DTYMK: variants seen among roughly 807,000 people sequenced by gnomAD.
The protein encoded by DTYMK is deoxythymidylate kinase.
DTYMK carries 20 observed loss-of-function variants against 20.3 expected under a neutral mutation model. The ratio of observed to expected loss-of-function variants is 0.99; its 90% confidence interval spans 0.69 to 1.43. The LOEUF (loss-of-function observed/expected upper bound fraction) is 1.43. Among genes scored for constraint, DTYMK ranks in the 40% most tolerant of loss-of-function variants. The pLI, the probability that DTYMK is intolerant of heterozygous loss-of-function variation, is 0.00. For missense variants in DTYMK, 320 were observed against 291.1 expected, an observed-to-expected ratio of 1.10 and a Z score of -0.72; for synonymous variants, 148 against 124.4, an observed-to-expected ratio of 1.19 and a Z score of -1.27.
In DTYMK at chr2:241,676,146, A is replaced by G; in HGVS notation, c.620T>C (p.Leu207Pro). 1 of 1,612,242 alleles carries G rather than the reference A, an allele frequency of 6.2e-7. No individual in the cohort carries two copies. The highest frequency in any genetic ancestry group is 1.1e-5 in the South Asian group (1 of 90,946). ...CTTGGGTCACTTCCATAGCTCCCCCAGCGGCTTCTCTGTGGCAGTGCGGAT... is the reference window on the plus strand; with the variant it reads ...CTTGGGTCACTTCCATAGCTCCCCCGGCGGCTTCTCTGTGGCAGTGCGGAT... Reference protein sequence around the residue: ...DAIRTATEKPLGELWK With the variant: ...DAIRTATEKPPGELWK Residue 207 changes from leucine (L) to proline (P), a missense_variant, in exon 5 of 5, where the codon CTG becomes CCG. Coordinates refer to ENST00000305784, the MANE Select transcript of DTYMK (RefSeq NM_012145.4).
In DTYMK at chr2:241,680,252, C is replaced by T. The variant is rs367572725; in HGVS notation, c.307G>A (p.Val103Met). The T allele has an allele frequency of 6.2e-7, 1 of 1,614,198 alleles. No homozygotes were observed. The highest frequency in any genetic ancestry group is 2.2e-5 in the East Asian group (1 of 44,880). ...LVVDRYAFSG[V>M]AFTGAKENFS... Reference sequence around the variant, plus strand: ...ACCTCCTTGGCACCGGTGAAGGCCACACCAGAAAATGCGTATCTGTCCACG... The same window carrying T: ...ACCTCCTTGGCACCGGTGAAGGCCATACCAGAAAATGCGTATCTGTCCACG... Residue 103 changes from valine (V) to methionine (M), a missense_variant, in exon 3 of 5, where the codon GTG becomes ATG. By Grantham distance (21) the Val-to-Met change is conservative. Transcript: ENST00000305784.
At chr2:241,682,434 A>G (rs2069279966) in intron 2 of DTYMK, 2 of 305,204 alleles carry the variant, frequency 6.6e-6, no homozygotes, top group African/African-American at 4.5e-5. Flanking sequence ...AAGGACTGTT[A>G]TCTAAAGCAT....
rs1258396070 is a variant in DTYMK at position 241,685,826 on chromosome 2, C to G, written c.182G>C (p.Ser61Thr). The change falls in exon 2 of 5, where the codon AGT (serine) becomes ACT (threonine). Residue 61 changes from serine to threonine, a missense_variant. Physicochemically the swap from Ser to Thr is moderately conservative, Grantham distance 58. Transcript: ENST00000305784. Reference sequence around the variant, plus strand: ...GTGCACCGAGTGATCCTCCACGTCACTTTTCTTTTGCAAGTAGGAACTCAG... The same window carrying G: ...GTGCACCGAGTGATCCTCCACGTCAGTTTTCTTTTGCAAGTAGGAACTCAG... The part of the protein sequence containing the change: ...KLLSSYLQKK[S>T]DVEDHSVHLL... 1 of 1,614,208 alleles carries G rather than the reference C, an allele frequency of 6.2e-7. No individual in the cohort carries two copies. The highest frequency in any genetic ancestry group is 1.7e-5 in the Admixed American group (1 of 60,020).
intron 4 of DTYMK, 152 bp from the exon 5 acceptor site, chr2:241,676,389 G>T: frequency 1.5e-6 from 1 of 651,124 alleles, no homozygotes; most frequent in Non-Finnish European, 2.6e-6. Flanking sequence ...GGGCTACACA[G>T]GGACACCCCG....
chr2:241,680,305 T>C lies in DTYMK; in HGVS notation c.254A>G (p.Glu85Gly), dbSNP rs1407978645. 6.2e-7 allele frequency: 1 copy of C among 1,614,132 alleles called. No homozygotes were observed. The highest frequency in any genetic ancestry group is 1.1e-5 in the South Asian group (1 of 91,082). Residue 85 changes from glutamate (E) to glycine (G), a missense_variant, in exon 3 of 5, where the codon GAA (glutamate) becomes GGA (glycine). By Grantham distance (98) the Glu-to-Gly change is moderately conservative (BLOSUM62 -2). Coordinates refer to ENST00000305784, the MANE Select transcript of DTYMK (RefSeq NM_012145.4). ...GAGGGTCACGCCCTGGCTCAACTTT[T>C]CCTTAATTAACGGCCTGAAAAAGAG... ...NRWEQVPLIK[E>G]KLSQGVTLVV...
At chr2:241,682,171 C>T (rs1472372386) in intron 2 of DTYMK, 6 of 441,682 alleles carry the variant, frequency 1.4e-5, no homozygotes, top group East Asian at 7.3e-5. Context: ...GAGACTCCAT[C>T]GCTACAAAAA....
intron 2 of DTYMK, chr2:241,685,500 G>A: frequency 3.6e-6 from 1 of 281,540 alleles, no homozygotes; most frequent in Non-Finnish European, 6.7e-6. Context: ...ACCTCTGCCT[G>A]GCGACAGAGC....
Position 241,675,992 on chromosome 2 carries a change from G to T in DTYMK, c.*135C>A. ...CCCCAGCTCCGGGGCAGAAGAGGCA[G>T]CCTGCAGATCTCTGCTGCCGGGAAA... On this transcript the variant is annotated 3_prime_UTR_variant, in exon 5 of 5. Coordinates refer to ENST00000305784, the MANE Select transcript of DTYMK (RefSeq NM_012145.4). 1.2e-6 allele frequency: 1 copy of T among 857,808 alleles called. No individual in the cohort carries two copies. The highest frequency in any genetic ancestry group is 1.7e-6 in the Non-Finnish European group (1 of 584,290). The allele number at this position is 857,808 out of a possible 1,614,324, so 53.1% of individuals were successfully genotyped here.
chr2:241,676,650 C>T (rs1015043140), intron 4 of DTYMK, among the ~76,000 whole-genome samples: 1 of 152,250 alleles, frequency 6.6e-6, no homozygotes, highest in Non-Finnish European at 1.5e-5. Context: ...AGCCCTGATG[C>T]AGGAGAAACA....
rs757118618 is a variant in DTYMK at position 241,678,567 on chromosome 2, G to T, written c.413C>A (p.Ala138Glu). 5.6e-6 allele frequency: 9 copies of T among 1,614,076 alleles called. No homozygotes were observed. The Admixed American group carries it at 6.7e-5, about 12-fold the overall frequency. The change falls in exon 4 of 5, where the codon GCG (alanine) becomes GAG (glutamate). Residue 138 changes from alanine to glutamate, a missense_variant. Ala to Glu is a moderately radical substitution (Grantham distance 107). Transcript: ENST00000305784. ...DLVLFLQLQLADAAKRGAFGH... is the reference protein window; with the variant it reads ...DLVLFLQLQLEDAAKRGAFGH... ...AAACGCTCCCCGCTTGGCAGCATCC[G>T]CCAGCTGTAACTGGAGGAACAGGAC...
chr2:241,685,971 G>T, intron 1 of DTYMK, 94 bp from the exon 2 acceptor site: 1 of 1,270,732 alleles, frequency 7.9e-7, no homozygotes, highest in Non-Finnish European at 1.1e-6. Flanking sequence ...CCGGACTCAA[G>T]TCTCACGTTG....
chr2:241,677,696 A>T (rs1237570031), intron 4 of DTYMK, among the ~76,000 whole-genome samples: 2 of 152,166 alleles, frequency 1.3e-5, no homozygotes, highest in Non-Finnish European at 2.9e-5. Flanking sequence ...CTGGGAGGGG[A>T]GAGTCCAGCG....
At position 241,676,066 on chromosome 2, in the gene DTYMK, C is replaced by T. The variant is rs1803265; in HGVS notation, c.*61G>A. ...GGACTCTGCTGGGGACGGGGCCTTC[C>T]GCGAGTCTCCCACCTCTCGGGGGAC... On this transcript the variant is annotated 3_prime_UTR_variant, in exon 5 of 5. Coordinates refer to ENST00000305784, the MANE Select transcript of DTYMK (RefSeq NM_012145.4). The T allele has an allele frequency of 8.6e-3, 12,848 of 1,498,336 alleles. 76 individuals carry two copies. The highest frequency in any genetic ancestry group is 0.01 in the Non-Finnish European group (11,409 of 1,107,470). 92.8% of individuals were successfully genotyped at this position (1,498,336 alleles called of 1,614,324 possible).
At chr2:241,684,674 C>CA (rs1362042112) in intron 2 of DTYMK, 4 of 448,768 alleles carry the variant, frequency 8.9e-6, no homozygotes, top group African/African-American at 8.3e-5. Context: ...GTAGTTTCTA[C>CA]ATATGTATAT....
Position 241,686,684 on chromosome 2 carries a change from C to T in DTYMK, c.100G>A (p.Gly34Ser). Reference protein sequence around the residue: ...RKLVEALCAAGHRAELLRFPE... With the variant: ...RKLVEALCAASHRAELLRFPE... ...AACCGGAGCAGTTCGGCGCGGTGGCCCGCGGCGCACAGCGCTTCCACCAGC... is the reference window on the plus strand; with the variant it reads ...AACCGGAGCAGTTCGGCGCGGTGGCTCGCGGCGCACAGCGCTTCCACCAGC... Residue 34 changes from glycine (G) to serine (S), a missense_variant, in exon 1 of 5, where the codon GGC becomes AGC. Gly to Ser is a moderately conservative substitution (Grantham distance 56, BLOSUM62 0). Transcript: ENST00000305784. 1 of 1,531,440 alleles carries T rather than the reference C, an allele frequency of 6.5e-7. No individual in the cohort carries two copies. Among genetic ancestry groups the T allele is most frequent in the Non-Finnish European group, 8.7e-7 (1 of 1,150,546 alleles). 94.9% of individuals were successfully genotyped at this position (1,531,440 alleles called of 1,614,324 possible). A position where few individuals can be genotyped will look rare whatever the true frequency, so the allele number is the denominator to read the frequency against.
At position 241,676,057 on chromosome 2, in the gene DTYMK, G is replaced by C; in HGVS notation, c.*70C>G. ...GTGGGGTCTGGACTCTGCTGGGGAC[G>C]GGGCCTTCCGCGAGTCTCCCACCTC... is the stretch of plus-strand genomic sequence containing the variant. On this transcript the variant is annotated 3_prime_UTR_variant, in exon 5 of 5. Transcript: ENST00000305784. 2.1e-6 allele frequency: 3 copies of C among 1,436,154 alleles called. No individual in the cohort carries two copies. In the South Asian group the frequency reaches 3.8e-5, roughly 18 times the overall value. 89.0% of individuals were successfully genotyped at this position (1,436,154 alleles called of 1,614,324 possible). A position where few individuals can be genotyped will look rare whatever the true frequency, so the allele number is the denominator to read the frequency against.
chr2:241,678,026 A>C (rs911709374), intron 4 of DTYMK, among the ~76,000 whole-genome samples: 3 of 152,186 alleles, frequency 2.0e-5, no homozygotes, highest in Non-Finnish European at 4.4e-5. Context: ...CTATAATCCC[A>C]GCACTTTGGG....
At chr2:241,677,135 G>C (rs1183580682) in intron 4 of DTYMK, among the ~76,000 whole-genome samples, 1 of 152,230 alleles carries the variant, frequency 6.6e-6, no homozygotes, top group Non-Finnish European at 1.5e-5. Flanking sequence ...GGGTGGCACC[G>C]GACCCTTCTC....
Position 241,675,843 on chromosome 2 carries a change from C to G in DTYMK, c.*284G>C. The G allele has an allele frequency of 6.8e-6, 2 of 293,482 alleles. No individual in the cohort carries two copies. The highest frequency in any genetic ancestry group is 8.8e-5 in the South Asian group (1 of 11,406). 18.2% of individuals were successfully genotyped at this position (293,482 alleles called of 1,614,324 possible). ...TCACAATGAAACTGCTCAGAGTTAT[C>G]ACTGAACTTCAGTAAGAAAATACAA... On this transcript the variant is annotated 3_prime_UTR_variant, in exon 5 of 5. Transcript: ENST00000305784.
Sources: allele counts gnomAD v4.1 joint callset (sites outside exome capture counted in the v4.1 genomes callset), GRCh38; gene constraint gnomAD v4.1.1; transcripts MANE v1.5; gene names NCBI Gene and HGNC (gene_info 2026-07-23, HGNC 2026-07-21).